Variants in FABP6 observed in about 807,000 individuals in gnomAD.
The protein encoded by FABP6 is fatty acid binding protein 6.
FABP6 carries 13 observed loss-of-function variants against 14.9 expected under a neutral mutation model. The ratio of observed to expected loss-of-function variants is 0.87; its 90% CI spans 0.57 to 1.39. FABP6 has a LOEUF of 1.39. Ranked by LOEUF, FABP6 falls within the 40% of genes most tolerant of loss-of-function variation. The probability of loss-of-function intolerance (pLI) is 0.00; values close to 1 mark genes in which losing one functional copy is unlikely to be tolerated. For missense variants in FABP6, 161 were observed against 167.2 expected, an observed-to-expected ratio of 0.96 and a Z score of 0.20; for synonymous variants, 75 against 63.6, an observed-to-expected ratio of 1.18 and a Z score of -0.85.
chr5:160,213,844 A>AGC, intron 3 of FABP6: 1 of 1,591,734 alleles, frequency 6.3e-7, no homozygotes, highest in Non-Finnish European at 8.6e-7. Flanking sequence ...AAGGGAGGGA[A>AGC]GGGTTCCTGA....
intron 1 of FABP6, among the ~76,000 whole-genome samples, chr5:160,189,596 T>A (rs971654659): frequency 1.3e-5 from 2 of 152,072 alleles, no homozygotes; most frequent in Non-Finnish European, 2.9e-5. Flanking sequence ...CTTGGCTGGG[T>A]GCAGTGGCTC....
intron 1 of FABP6, among the ~76,000 whole-genome samples, chr5:160,190,424 G>T (rs1759370839): frequency 1.3e-5 from 2 of 152,084 alleles, no homozygotes; most frequent in Admixed American, 1.3e-4. Flanking sequence ...TGGAGACGAG[G>T]TTTCTCCATG....
chr5:160,222,368 C>T (rs1273160249), intron 3 of FABP6, among the ~76,000 whole-genome samples: 1 of 152,104 alleles, frequency 6.6e-6, no homozygotes, highest in African/African-American at 2.4e-5. Context: ...GAGTCTTGCT[C>T]TGTTGCCCAG....
intron 3 of FABP6, among the ~76,000 whole-genome samples, chr5:160,236,572 T>TACATGCAGAGGCAGATCTCATCTGCTG (rs1760521348): frequency 6.6e-6 from 1 of 152,162 alleles, no homozygotes; most frequent in Non-Finnish European, 1.5e-5. Flanking sequence ...ACACAACTAG[T>TACATGCAGAGGCAGATCTCATCTGCTG]ACATGCAGAG....
At chr5:160,229,959 C>T (rs548981053) in intron 1 of FABP6, among the ~76,000 whole-genome samples, 5 of 151,362 alleles carry the variant, frequency 3.3e-5, no homozygotes, top group Non-Finnish European at 5.9e-5. Flanking sequence ...CTGCAACCTT[C>T]GGCTCCCACG....
chr5:160,189,069 T>C (rs73820228), intron 1 of FABP6, among the ~76,000 whole-genome samples: 6,049 of 152,078 alleles, frequency 0.04, 248 homozygotes, highest in East Asian at 0.19. Context: ...AGAGAGTAAA[T>C]ACTTCGGGTT....
intron 2 of FABP6, among the ~76,000 whole-genome samples, chr5:160,233,226 C>T (rs542306885): frequency 3.3e-5 from 5 of 151,932 alleles, no homozygotes; most frequent in African/African-American, 7.2e-5. Context: ...GTGATCCGCC[C>T]ACCTTGACCT....
At chr5:160,238,307 G>T (rs975394107) in intron 3 of FABP6, among the ~76,000 whole-genome samples, 43 of 152,162 alleles carry the variant, frequency 2.8e-4, no homozygotes, top group Non-Finnish European at 8.8e-5. Context: ...TCACAGGGCT[G>T]TTGGGAGGAT....
intron 2 of FABP6, among the ~76,000 whole-genome samples, chr5:160,206,955 G>A (rs1561745460): frequency 6.6e-6 from 1 of 152,192 alleles, no homozygotes; most frequent in Non-Finnish European, 1.5e-5. Context: ...CAGGACCTTC[G>A]TCCATACAGA....
chr5:160,218,471 T>TTTTG (rs1760063453), intron 3 of FABP6, among the ~76,000 whole-genome samples: 1 of 146,760 alleles, frequency 6.8e-6, no homozygotes, highest in Admixed American at 6.8e-5. Context: ...CTTTTTTTTT[T>TTTTG]TTTTTTTGAG....
Position 160,238,644 on chromosome 5 carries a change from C to G in FABP6, c.372C>G (p.Ser124Arg), listed in dbSNP as rs1561759382. Residue 124 changes from serine to arginine, a missense_variant, in exon 4 of 4, where the codon AGC becomes AGG. By Grantham distance (110) the Ser-to-Arg change is moderately radical (BLOSUM62 -1). Coordinates refer to ENST00000402432, the MANE Select transcript of FABP6 (RefSeq NM_001445.3). ...GAGGCGTGACCTATGAGCGCGTGAG[C>G]AAGAGACTGGCCTAAGCAGCCAGGC... Reference protein sequence around the residue: ...TIGGVTYERVSKRLA With the variant: ...TIGGVTYERVRKRLA 2 of 1,614,016 alleles carry G rather than the reference C, an allele frequency of 1.2e-6. No homozygotes were observed. Among genetic ancestry groups the G allele is most frequent in the Admixed American group, 3.3e-5 (2 of 60,010 alleles).
At chr5:160,221,099 A>G (rs1294797870) in intron 3 of FABP6, among the ~76,000 whole-genome samples, 1 of 151,636 alleles carries the variant, frequency 6.6e-6, no homozygotes, top group African/African-American at 2.4e-5. Context: ...AAAAAAAAAA[A>G]AAAAAAAAAG....
intron 2 of FABP6, among the ~76,000 whole-genome samples, chr5:160,206,086 G>T (rs897868660): frequency 2.6e-5 from 4 of 151,846 alleles, no homozygotes; most frequent in Non-Finnish European, 5.9e-5. Context: ...AACAACTAGA[G>T]CCATATATAG....
intron 2 of FABP6, among the ~76,000 whole-genome samples, chr5:160,202,629 T>C (rs1759667554): frequency 6.6e-6 from 1 of 151,754 alleles, no homozygotes; most frequent in East Asian, 2.0e-4. Context: ...ACCCCGTCTC[T>C]ACTAAAAATA....
At chr5:160,229,826 ATTTT>A (rs1561755226) in intron 1 of FABP6, among the ~76,000 whole-genome samples, 11 of 322 alleles carry the variant, frequency 0.034, no homozygotes, top group South Asian at 0.22. Context: ...TAACTTTTTT[ATTTT>A]ATTTTATTTT....
intron 2 of FABP6, among the ~76,000 whole-genome samples, chr5:160,211,649 C>T (rs566150295): frequency 1.0e-3 from 158 of 152,288 alleles, no homozygotes; most frequent in Middle Eastern, 3.4e-3. Context: ...ACTGTCCCTT[C>T]CTTCTTGCTT....
intron 3 of FABP6, among the ~76,000 whole-genome samples, chr5:160,214,574 A>G (rs1368099024): frequency 6.7e-6 from 1 of 149,282 alleles, no homozygotes; most frequent in Non-Finnish European, 1.5e-5. Flanking sequence ...TCAGCCACCC[A>G]ATGTGGCTGG....
chr5:160,202,083 C>T (rs1759652969), intron 2 of FABP6, among the ~76,000 whole-genome samples: 1 of 152,174 alleles, frequency 6.6e-6, no homozygotes, highest in Admixed American at 6.6e-5. Flanking sequence ...CTGATTCATT[C>T]TTCATTTATT....
At chr5:160,215,508 T>C (rs1416167562) in intron 3 of FABP6, among the ~76,000 whole-genome samples, 2 of 144,808 alleles carry the variant, frequency 1.4e-5, no homozygotes, top group Non-Finnish European at 3.0e-5. Context: ...AGTGAAACTC[T>C]GTCTCAGAGA....
Sources: allele counts gnomAD v4.1 joint callset (sites outside exome capture counted in the v4.1 genomes callset), GRCh38; gene constraint gnomAD v4.1.1; transcripts MANE v1.5; gene names NCBI Gene and HGNC (gene_info 2026-07-23, HGNC 2026-07-21).